XPO1: variants seen among roughly 807,000 people sequenced by gnomAD.
The protein encoded by XPO1 is exportin-1.
In XPO1, 5 loss-of-function variants were observed where a neutral mutation model predicts 133.3. The ratio of observed to expected loss-of-function variants is 0.04; its 90% CI spans 0.02 to 0.08. XPO1 has a LOEUF of 0.08. XPO1 is among the 10% of genes least tolerant of loss of function. The pLI, the probability that XPO1 is intolerant of heterozygous loss-of-function variation, is 1.00. For missense variants in XPO1, 506 were observed against 1,267.5 expected, an observed-to-expected ratio of 0.40 and a Z score of 9.12; for synonymous variants, 419 against 408.2, an observed-to-expected ratio of 1.03 and a Z score of -0.32.
At position 61,481,175 on chromosome 2, in the gene XPO1, A is replaced by G; in HGVS notation, c.3069+10T>C. 6.3e-7 allele frequency: 1 copy of G among 1,576,820 alleles called. No homozygotes were observed. Among genetic ancestry groups the G allele is most frequent in the South Asian group, 1.1e-5 (1 of 87,048 alleles). On this transcript the variant is annotated intron_variant, in intron 24 of 24. Coordinates refer to ENST00000401558, the MANE Select transcript of XPO1 (RefSeq NM_003400.4). The stretch of plus-strand genomic sequence containing the variant: ...CCCTAATATTTCTGCAAGAGCAAAT[A>G]AATACATACCTTTATTTGAACTAGG...
chr2:61,534,591 G>A (rs1042475687), intron 1 of XPO1: 1 of 152,222 alleles, frequency 6.6e-6, no homozygotes. Context: ...GCTGAGGCAG[G>A]AGAACTGCTT....
At chr2:61,501,753 A>G (rs981118891) in intron 6 of XPO1, among the ~76,000 whole-genome samples, 4 of 91,946 alleles carry the variant, frequency 4.4e-5, no homozygotes, top group African/African-American at 1.8e-4. Context: ...GAAAAGATAA[A>G]TAAGAATCCA....
intron 4 of XPO1, among the ~76,000 whole-genome samples, chr2:61,508,765 A>G (rs533334505): frequency 6.6e-6 from 1 of 152,358 alleles, no homozygotes; most frequent in African/African-American, 2.4e-5. Flanking sequence ...AAGCAACTCA[A>G]TCTTCAAGTC....
intron 10 of XPO1, 123 bp from the exon 11 acceptor site, chr2:61,495,736 A>T: frequency 1.1e-6 from 1 of 945,904 alleles, no homozygotes; most frequent in Middle Eastern, 3.7e-4. Flanking sequence ...CAGTGGTATG[A>T]CCAAAGCTCA....
At position 61,484,247 on chromosome 2, in the gene XPO1, A is replaced by C. The variant is rs1696556931; in HGVS notation, c.2509-142T>G. On this transcript the variant is annotated intron_variant, in intron 20 of 24. Transcript: ENST00000401558. The stretch of plus-strand genomic sequence containing the variant: ...AGATAGAATGCCTCCTGAAAGGTAA[A>C]CCCAAGTAAAATACAATCCACCTCT... The C allele has an allele frequency of 6.0e-6, 4 of 662,122 alleles. No homozygotes were observed. The Admixed American group carries it at 9.8e-5, about 16-fold the overall frequency. 41.0% of individuals were successfully genotyped at this position (662,122 alleles called of 1,614,324 possible).
At chr2:61,482,059 C>CTTTTTTTTTTTTTTTTTTTTTTTTTTT (rs1273871116) in intron 23 of XPO1, among the ~76,000 whole-genome samples, 35 of 41,094 alleles carry the variant, frequency 8.5e-4, no homozygotes, top group Non-Finnish European at 1.2e-3. Flanking sequence ...TTTTTTTTTG[C>CTTTTTTTTTTTTTTTTTTTTTTTTTTT]TTTTTTAAAG....
At chr2:61,490,446 G>A (rs559616867) in intron 17 of XPO1, among the ~76,000 whole-genome samples, 196 bp downstream of exon 17, 7 of 152,202 alleles carry the variant, frequency 4.6e-5, no homozygotes, top group Middle Eastern at 3.4e-3. Context: ...TGATCCGCCC[G>A]CCTCGGCCTT....
chr2:61,488,700 G>A lies in XPO1; in HGVS notation c.2094C>T (p.Ala698=). 1 of 1,614,156 alleles carries A rather than the reference G, an allele frequency of 6.2e-7. No homozygotes were observed. Among genetic ancestry groups the A allele is most frequent in the South Asian group, 1.1e-5 (1 of 91,078 alleles). The change falls in exon 18 of 25, where the codon GCC becomes GCT. Residue 698 remains alanine (A), a synonymous_variant. Transcript: ENST00000401558. ...CAAAGGGGTGTCCAACAGCTTTGCA[G>A]GCTCTCACATTTGTTTTCAAAATGC... is the stretch of plus-strand genomic sequence containing the variant. ...LGSILKTNVR[A]CKAVGHPFVI...
rs184708152 is a variant in XPO1, at chr2:61,504,772, A to T, written c.302-2462T>A. 8.5e-5 allele frequency among the ~76,000 whole-genome samples: 13 copies of T among 152,328 alleles called. No homozygotes were observed. The East Asian group carries it at 2.5e-3, about 29-fold the overall frequency. The stretch of plus-strand genomic sequence containing the variant: ...TTCACTTTCAAACTATGGTTCTTCA[A>T]TGGCACTTAATTATATAATTTTTAT... On this transcript the variant is annotated intron_variant, in intron 4 of 24. Coordinates refer to ENST00000401558, the MANE Select transcript of XPO1 (RefSeq NM_003400.4).
Position 61,478,500 on chromosome 2 carries a change from C to T in XPO1, c.*320G>A. 1 of 281,144 alleles carries T rather than the reference C, an allele frequency of 3.6e-6. No individual in the cohort carries two copies. The allele number at this position is 281,144 out of a possible 1,614,324, so 17.4% of individuals were successfully genotyped here. A position where few individuals can be genotyped will look rare whatever the true frequency, so the allele number is the denominator to read the frequency against. ...TTACAGGAAAAATTGTATAATTTTGCATTAGAATTACAAGTATATGTTCAA... is the reference window on the plus strand; with the variant it reads ...TTACAGGAAAAATTGTATAATTTTGTATTAGAATTACAAGTATATGTTCAA... On this transcript the variant is annotated 3_prime_UTR_variant, in exon 25 of 25. Transcript: ENST00000401558.
chr2:61,484,203 G>T, intron 20 of XPO1, 98 bp from the exon 21 acceptor site: 1 of 1,093,454 alleles, frequency 9.1e-7, no homozygotes, highest in Non-Finnish European at 1.3e-6. Flanking sequence ...AATATTTGGA[G>T]TTTTCAATAA....
At chr2:61,496,855 A>G (rs769809802) in intron 10 of XPO1, 24 bp downstream of exon 10, 7 of 1,502,516 alleles carry the variant, frequency 4.7e-6, no homozygotes, top group Admixed American at 2.4e-5. Context: ...TATTCAGCCA[A>G]TTTTCAAGAT....
Position 61,498,926 on chromosome 2 carries a change from ACACAC to A in XPO1, c.591-18_591-14del. 2.6e-6 allele frequency: 4 copies of A among 1,567,626 alleles called. No homozygotes were observed. The Admixed American group carries it at 5.8e-5, about 23-fold the overall frequency. On this transcript the variant is annotated splice_polypyrimidine_tract_variant and intron_variant, in intron 7 of 24. Transcript: ENST00000401558. ...TTCATTGCACATGCTAAAAAAAAAA[ACACAC>A]AAAAATATCAGATTTAGAAGACACA...
intron 20 of XPO1, 88 bp downstream of exon 20, chr2:61,485,680 T>A: frequency 9.2e-7 from 1 of 1,092,746 alleles, no homozygotes; most frequent in Non-Finnish European, 1.3e-6. Context: ...GCATTAAAAT[T>A]ATGTTATATC....
rs1163914322 is a variant in XPO1 at position 61,483,192 on chromosome 2, CCTTT to C, written c.2678-105_2678-102del. On this transcript the variant is annotated intron_variant, in intron 21 of 24. Transcript: ENST00000401558. ...GTATTCTGAATCTAACCCTGTTCTC[CCTTT>C]TTTTTGGGATGATGACTAATAATTA... 5.4e-5 allele frequency: 74 copies of C among 1,361,232 alleles called. 1 individual carries two copies. The East Asian group carries it at 1.7e-3, about 32-fold the overall frequency. The allele number at this position is 1,361,232 out of a possible 1,614,324, so 84.3% of individuals were successfully genotyped here.
chr2:61,506,712 A>C (rs568448804), intron 4 of XPO1, among the ~76,000 whole-genome samples: 1 of 151,920 alleles, frequency 6.6e-6, no homozygotes, highest in Admixed American at 6.6e-5. Flanking sequence ...TAAATAAATA[A>C]ATAATTAGCA....
intron 4 of XPO1, among the ~76,000 whole-genome samples, chr2:61,515,992 A>T (rs1452092447): frequency 2.7e-5 from 4 of 149,438 alleles, no homozygotes; most frequent in African/African-American, 9.9e-5. Flanking sequence ...CAGACGTGGT[A>T]GCAGGCACCT....
At chr2:61,516,974 G>T (rs1224317516) in intron 4 of XPO1, among the ~76,000 whole-genome samples, 1 of 151,932 alleles carries the variant, frequency 6.6e-6, no homozygotes, top group Non-Finnish European at 1.5e-5. Flanking sequence ...TGCTGTCTTG[G>T]CTCACTGTAA....
chr2:61,489,143 G>A (rs1229351319), intron 17 of XPO1, among the ~76,000 whole-genome samples: 2 of 150,758 alleles, frequency 1.3e-5, no homozygotes, highest in African/African-American at 4.9e-5. Context: ...GCCAGGCGAG[G>A]TGGCTCACAC....
Sources: gnomAD v4.1 joint callset for allele counts (sites outside exome capture counted in the v4.1 genomes callset) on GRCh38, gnomAD v4.1.1 for gene constraint, MANE v1.5 for transcripts, NCBI Gene and HGNC (gene_info 2026-07-23, HGNC 2026-07-21) for gene names.